Variants in TMED7 observed in about 807,000 individuals in gnomAD.
TMED7 encodes transmembrane p24 trafficking protein 7.
A neutral mutation model predicts 23.4 loss-of-function variants in TMED7; 8 were observed. The ratio of observed to expected loss-of-function variants is 0.34; its 90% CI spans 0.20 to 0.62. The LOEUF (loss-of-function observed/expected upper bound fraction) is 0.62. TMED7 is among the 20% of genes least tolerant of loss of function. The pLI is 0.77. For synonymous variants in TMED7, 121 were observed against 108.5 expected, an observed-to-expected ratio of 1.12 and a Z score of -0.72; for missense variants, 232 against 279.1, an observed-to-expected ratio of 0.83 and a Z score of 1.20.
At chr5:115,625,545 C>T in intron 1 of TMED7, 56 bp downstream of exon 1, 1 of 1,438,570 alleles carries the variant, frequency 7.0e-7, no homozygotes, top group South Asian at 1.5e-5. Flanking sequence ...CCTCAAGTTA[C>T]ACCCCCAATC....
intron 2 of TMED7, chr5:115,619,149 C>T (rs912835992): frequency 4.6e-5 from 7 of 152,118 alleles, no homozygotes; most frequent in Admixed American, 6.5e-5. Flanking sequence ...GTTTTTAGAA[C>T]AAGCCACCTT....
chr5:115,619,386 G>C (rs370742368), intron 2 of TMED7, among the ~76,000 whole-genome samples: 2 of 152,138 alleles, frequency 1.3e-5, no homozygotes, highest in African/African-American at 2.4e-5. Context: ...TTGGCCAAGA[G>C]ACTAAATAGA....
chr5:115,619,869 T>G (rs1487678573), intron 2 of TMED7, among the ~76,000 whole-genome samples: 2 of 152,138 alleles, frequency 1.3e-5, no homozygotes, highest in African/African-American at 4.8e-5. Context: ...TTTTTACGCT[T>G]TCTCTATGTC....
chr5:115,621,719 G>T (rs1180649070), intron 1 of TMED7, among the ~76,000 whole-genome samples: 1 of 152,180 alleles, frequency 6.6e-6, no homozygotes, highest in African/African-American at 2.4e-5. Flanking sequence ...ACATGAGAAA[G>T]AACTGAGTAG....
intron 1 of TMED7, among the ~76,000 whole-genome samples, chr5:115,623,200 T>C (rs1156684485): frequency 1.3e-5 from 2 of 152,198 alleles, no homozygotes; most frequent in Non-Finnish European, 2.9e-5. Context: ...GGCTTCCCTT[T>C]GTTAGGTGTG....
At chr5:115,617,889 G>A (rs1045684909) in intron 2 of TMED7, among the ~76,000 whole-genome samples, 1 of 152,158 alleles carries the variant, frequency 6.6e-6, no homozygotes, top group Non-Finnish European at 1.5e-5. Flanking sequence ...CACCTCCTAG[G>A]TTCAAGTGAT....
chr5:115,616,500 A>G (rs1756754813), intron 2 of TMED7, 55 bp from the exon 3 acceptor site: 1 of 1,604,888 alleles, frequency 6.2e-7, no homozygotes, highest in Non-Finnish European at 8.5e-7. Context: ...GACTTCATCT[A>G]TCATATTCAG....
At chr5:115,617,482 G>A (rs2112568162) in intron 2 of TMED7, among the ~76,000 whole-genome samples, 1 of 152,280 alleles carries the variant, frequency 6.6e-6, no homozygotes, top group East Asian at 1.9e-4. Context: ...TATTAGAAGA[G>A]TCAAATATTT....
chr5:115,622,576 A>G lies in TMED7; in HGVS notation c.193-1896T>C, dbSNP rs146011444. On this transcript the variant is annotated intron_variant, in intron 1 of 2. Coordinates refer to ENST00000456936, the MANE Select transcript of TMED7 (RefSeq NM_181836.6). The stretch of plus-strand genomic sequence containing the variant: ...TGTGCACTGTGACACGTTAAACAGC[A>G]TACCTGGTCTCTAACTACTAGATGC... Among the ~76,000 whole-genome samples, 41 of 152,312 alleles carry G rather than the reference A, an allele frequency of 2.7e-4. 1 individual carries two copies. Among genetic ancestry groups the G allele is most frequent in the African/African-American group, 9.1e-4 (38 of 41,564 alleles).
In TMED7 at chr5:115,615,936, G is replaced by T; in HGVS notation, c.*273C>A. 1 of 405,964 alleles carries T rather than the reference G, an allele frequency of 2.5e-6. No individual in the cohort carries two copies. Among genetic ancestry groups the T allele is most frequent in the Non-Finnish European group, 4.5e-6 (1 of 224,564 alleles). The allele number at this position is 405,964 out of a possible 1,614,324, so 25.1% of individuals were successfully genotyped here. A position where few individuals can be genotyped will look rare whatever the true frequency, so the allele number is the denominator to read the frequency against. On this transcript the variant is annotated 3_prime_UTR_variant, in exon 3 of 3. Transcript: ENST00000456936. ...ATCAAAATACCAAAGTTTAGTGTGC[G>T]AAGAGTAGATATAAACAACTGCGAA...
Position 115,616,108 on chromosome 5 carries a change from G to T in TMED7, c.*101C>A. 8.9e-7 allele frequency: 1 copy of T among 1,127,818 alleles called. No homozygotes were observed. Among genetic ancestry groups the T allele is most frequent in the Non-Finnish European group, 1.3e-6 (1 of 762,494 alleles). The allele number at this position is 1,127,818 out of a possible 1,614,324, so 69.9% of individuals were successfully genotyped here. A position where few individuals can be genotyped will look rare whatever the true frequency, so the allele number is the denominator to read the frequency against. On this transcript the variant is annotated 3_prime_UTR_variant, in exon 3 of 3. Transcript: ENST00000456936. Reference sequence around the variant, plus strand: ...TCCCTCCCAACAAGTGTATGAGTAAGGATTTAAAAATGTTGCCAATATTAA... The same window carrying T: ...TCCCTCCCAACAAGTGTATGAGTAATGATTTAAAAATGTTGCCAATATTAA...
intron 2 of TMED7, 69 bp downstream of exon 2, chr5:115,620,366 T>G (rs1756983812): frequency 7.0e-7 from 1 of 1,420,422 alleles, no homozygotes; most frequent in South Asian, 1.8e-5. Context: ...AGTTAGTGCA[T>G]GATATTAAAT....
rs747129476 is a variant in TMED7 at position 115,616,271 on chromosome 5, C to A, written c.613G>T (p.Val205Leu). 2 of 1,614,134 alleles carry A rather than the reference C, an allele frequency of 1.2e-6. No homozygotes were observed. The highest frequency in any genetic ancestry group is 2.2e-5 in the South Asian group (2 of 91,088). Residue 205 changes from valine (V) to leucine (L), a missense_variant, in exon 3 of 3, where the codon GTA becomes TTA. This residue lies in a region of TMED7 where 126 missense variants were observed against 182.1 expected (regional missense o/e 0.69). Transcript: ENST00000456936. ...GAGAAAAAGCTTTTCAAAAGAAATA[C>A]CTGCCCTATGCTAACCACCAGAAGA... ...LILLVVSIGQVFLLKSFFSDK... is the reference protein window; with the variant it reads ...LILLVVSIGQLFLLKSFFSDK...
chr5:115,617,081 T>G (rs1390273857), intron 2 of TMED7, among the ~76,000 whole-genome samples: 1 of 152,242 alleles, frequency 6.6e-6, no homozygotes, highest in East Asian at 1.9e-4. Context: ...CCCAACAGGA[T>G]GCAAGTTTCA....
rs760834142 is a variant in TMED7, at chr5:115,625,624, T to G, written c.169A>C (p.Thr57Pro). ...QCFYEDIAQG[T>P]KCTLEFQVIT... ...ACCTGGAACTCCAGGGTGCACTTGG[T>G]GCCCTGAGCGATGTCCTCGTAGAAG... The change falls in exon 1 of 3, where the codon ACC becomes CCC. Residue 57 changes from threonine to proline, a missense_variant. This residue lies in a region of TMED7 where 106 missense variants were observed against 97.0 expected (regional missense o/e 1.09). Coordinates refer to ENST00000456936, the MANE Select transcript of TMED7 (RefSeq NM_181836.6). The G allele has an allele frequency of 6.3e-7, 1 of 1,596,194 alleles. No homozygotes were observed. Among genetic ancestry groups the G allele is most frequent in the Non-Finnish European group, 8.5e-7 (1 of 1,171,908 alleles).
Position 115,614,685 on chromosome 5 carries a change from C to T in TMED7, c.*1524G>A, listed in dbSNP as rs1015959487. On this transcript the variant is annotated 3_prime_UTR_variant, in exon 3 of 3. Coordinates refer to ENST00000456936, the MANE Select transcript of TMED7 (RefSeq NM_181836.6). The stretch of plus-strand genomic sequence containing the variant: ...GCTATACGGTGGCATCTGAAATTAT[C>T]AGGCATGACAACTTGAATTTGTTTT... The T allele has an allele frequency of 1.3e-5, 2 of 152,094 alleles. No homozygotes were observed. The highest frequency in any genetic ancestry group is 4.1e-4 in the South Asian group (2 of 4,832). 9.4% of individuals were successfully genotyped at this position (152,094 alleles called of 1,614,324 possible).
rs1030908063 is a variant in TMED7 at position 115,614,735 on chromosome 5, T to C, written c.*1474A>G. 4 of 152,130 alleles carry C rather than the reference T, an allele frequency of 2.6e-5. No homozygotes were observed. Among genetic ancestry groups the C allele is most frequent in the Non-Finnish European group, 5.9e-5 (4 of 67,984 alleles). 9.4% of individuals were successfully genotyped at this position (152,130 alleles called of 1,614,324 possible). The stretch of plus-strand genomic sequence containing the variant: ...TGCTCTTCCATGCAAGAAGTATATA[T>C]ATGCATTTTAAGATAGCTTAGAATT... On this transcript the variant is annotated 3_prime_UTR_variant, in exon 3 of 3. Coordinates refer to ENST00000456936, the MANE Select transcript of TMED7 (RefSeq NM_181836.6).
chr5:115,624,260 T>C (rs1443562372), intron 1 of TMED7, among the ~76,000 whole-genome samples: 1 of 152,186 alleles, frequency 6.6e-6, no homozygotes. Context: ...TGAAGGTAAG[T>C]AAGCCTAAGG....
chr5:115,624,337 C>G (rs1456803599), intron 1 of TMED7, among the ~76,000 whole-genome samples: 1 of 152,046 alleles, frequency 6.6e-6, no homozygotes, highest in East Asian at 1.9e-4. Flanking sequence ...TTGATTCTAC[C>G]TACTACCTTC....
Sources: gnomAD v4.1 joint callset for allele counts (sites outside exome capture counted in the v4.1 genomes callset) on GRCh38, gnomAD v4.1.1 for gene constraint, gnomAD v4.1.1 regional missense constraint, MANE v1.5 for transcripts, NCBI Gene and HGNC (gene_info 2026-07-23, HGNC 2026-07-21) for gene names.